The following SPTLC2 variants were observed in gnomAD, a reference collection of about 807,000 sequenced individuals.
SPTLC2 encodes the protein serine palmitoyltransferase long chain base subunit 2, also known as serine palmitoyltransferase 2.
In SPTLC2, 21 loss-of-function variants were observed where a neutral mutation model predicts 62.0. That is an observed-to-expected ratio of 0.34 (90% CI 0.24 to 0.49). The LOEUF (loss-of-function observed/expected upper bound fraction) is 0.49. SPTLC2 is among the 20% of genes least tolerant of loss of function. SPTLC2 has a pLI of 0.99. For missense variants in SPTLC2, 511 were observed against 713.0 expected, an observed-to-expected ratio of 0.72 and a Z score of 3.23; for synonymous variants, 261 against 261.8, an observed-to-expected ratio of 1.00 and a Z score of 0.03.
chr14:77,522,733 A>T (rs990033850), intron 9 of SPTLC2, among the ~76,000 whole-genome samples: 11 of 152,224 alleles, frequency 7.2e-5, no homozygotes, highest in African/African-American at 2.7e-4. Context: ...ACTGTTTTAG[A>T]ATCTTCTCAA....
chr14:77,553,959 C>T (rs1033916815), intron 8 of SPTLC2, among the ~76,000 whole-genome samples: 1 of 151,808 alleles, frequency 6.6e-6, no homozygotes, highest in Non-Finnish European at 1.5e-5. Context: ...GGACTACAGG[C>T]ATGTGCCACC....
chr14:77,607,457 C>G (rs1595019422), intron 1 of SPTLC2, among the ~76,000 whole-genome samples: 1 of 152,120 alleles, frequency 6.6e-6, no homozygotes, highest in South Asian at 2.1e-4. Flanking sequence ...AATACATTTT[C>G]CATTTGCCAT....
chr14:77,578,960 G>T lies in SPTLC2; in HGVS notation c.477C>A (p.Ser159=). 6.2e-7 allele frequency: 1 copy of T among 1,613,994 alleles called. No individual in the cohort carries two copies. Among genetic ancestry groups the T allele is most frequent in the Non-Finnish European group, 8.5e-7 (1 of 1,179,980 alleles). The change falls in exon 3 of 12, where the codon TCC becomes TCA. Residue 159 remains serine, a synonymous_variant. Transcript: ENST00000216484. The part of the protein sequence containing the change: ...MERQSHDYNW[S]FKYTGNIIKG... ...ATTTCCCAACCAAGACTCACTTGAAGGACCAGTTATAATCATGAGACTGTC... is the reference window on the plus strand; with the variant it reads ...ATTTCCCAACCAAGACTCACTTGAATGACCAGTTATAATCATGAGACTGTC...
At chr14:77,589,202 G>A (rs894606337) in intron 2 of SPTLC2, among the ~76,000 whole-genome samples, 5 of 151,860 alleles carry the variant, frequency 3.3e-5, no homozygotes, top group African/African-American at 9.7e-5. Flanking sequence ...GTTAATTAAC[G>A]ACTTTCCTTA....
chr14:77,585,967 C>T (rs958090797), intron 2 of SPTLC2, among the ~76,000 whole-genome samples: 1 of 152,124 alleles, frequency 6.6e-6, no homozygotes, highest in Non-Finnish European at 1.5e-5. Flanking sequence ...AACCTTAATA[C>T]ATTCCTGGTG....
chr14:77,519,229 G>A lies in SPTLC2; in HGVS notation c.1440-1062C>T, dbSNP rs867881697. ...TGATTTTCGTATTTTTAGTAGAGAC[G>A]GGGTTTCACCATGTTGGCCAGGATG... On this transcript the variant is annotated intron_variant, in intron 10 of 11. Coordinates refer to ENST00000216484, the MANE Select transcript of SPTLC2 (RefSeq NM_004863.4). Among the ~76,000 whole-genome samples, 9 of 151,876 alleles carry A rather than the reference G, an allele frequency of 5.9e-5. No individual in the cohort carries two copies. The South Asian group carries it at 8.3e-4, about 14-fold the overall frequency.
At chr14:77,514,158 G>C (rs1262071085) in intron 11 of SPTLC2, among the ~76,000 whole-genome samples, 1 of 152,154 alleles carries the variant, frequency 6.6e-6, no homozygotes, top group Non-Finnish European at 1.5e-5. Context: ...ACTCCAGCCT[G>C]GGTGACTGAG....
At chr14:77,614,051 T>C (rs2079951819) in intron 1 of SPTLC2, among the ~76,000 whole-genome samples, 1 of 152,200 alleles carries the variant, frequency 6.6e-6, no homozygotes, top group Non-Finnish European at 1.5e-5. Context: ...CCTCACAGCA[T>C]TCCAACAGAC....
chr14:77,604,879 A>AAAAAAAAGGT (rs773487004), intron 1 of SPTLC2, among the ~76,000 whole-genome samples: 3,973 of 149,860 alleles, frequency 0.027, 84 homozygotes, highest in South Asian at 0.068. Flanking sequence ...AAAAAAAAAA[A>AAAAAAAAGGT]AAAAAAAGGT....
intron 2 of SPTLC2, among the ~76,000 whole-genome samples, chr14:77,594,553 G>A (rs1334913226): frequency 6.6e-6 from 1 of 152,148 alleles, no homozygotes; most frequent in Non-Finnish European, 1.5e-5. Context: ...TTGAGCACAG[G>A]AGTTTGAGAC....
intron 6 of SPTLC2, among the ~76,000 whole-genome samples, chr14:77,562,152 C>T (rs1000242461): frequency 5.3e-5 from 8 of 152,084 alleles, no homozygotes; most frequent in Non-Finnish European, 1.5e-5. Context: ...ATTTGAGTAA[C>T]GGATCTGTAA....
At chr14:77,615,719 A>G (rs924719986) in intron 1 of SPTLC2, among the ~76,000 whole-genome samples, 42 of 152,336 alleles carry the variant, frequency 2.8e-4, no homozygotes, top group African/African-American at 9.6e-4. Flanking sequence ...CAGCATGGTT[A>G]ATTAGTATAG....
chr14:77,518,177 G>A lies in SPTLC2; in HGVS notation c.1440-10C>T, dbSNP rs756191309. ...CTCCCGTCCAAAGGCGCTGCAAAGG[G>A]GAAAACAAGAACAGAAACCAGGAGG... On this transcript the variant is annotated splice_polypyrimidine_tract_variant and intron_variant, in intron 10 of 11. Coordinates refer to ENST00000216484, the MANE Select transcript of SPTLC2 (RefSeq NM_004863.4). 9.3e-6 allele frequency: 15 copies of A among 1,613,904 alleles called. No homozygotes were observed. Among genetic ancestry groups the A allele is most frequent in the African/African-American group, 4.0e-5 (3 of 74,870 alleles).
At chr14:77,528,377 A>G (rs2079419432) in intron 9 of SPTLC2, among the ~76,000 whole-genome samples, 1 of 152,008 alleles carries the variant, frequency 6.6e-6, no homozygotes, top group Non-Finnish European at 1.5e-5. Flanking sequence ...GATTACAGGC[A>G]TGTGCCACCA....
intron 1 of SPTLC2, among the ~76,000 whole-genome samples, chr14:77,601,717 G>A (rs181783794): frequency 7.7e-4 from 118 of 152,310 alleles, no homozygotes; most frequent in Middle Eastern, 6.8e-3. Context: ...ATTTTAAATC[G>A]GGTAAGCGGC....
At chr14:77,553,867 T>C (rs2079568731) in intron 8 of SPTLC2, among the ~76,000 whole-genome samples, 1 of 152,026 alleles carries the variant, frequency 6.6e-6, no homozygotes, top group Non-Finnish European at 1.5e-5. Flanking sequence ...CAGGCTGCAA[T>C]GCAGTGGTGT....
At chr14:77,594,728 T>G (rs1178614029) in intron 2 of SPTLC2, among the ~76,000 whole-genome samples, 1 of 152,192 alleles carries the variant, frequency 6.6e-6, no homozygotes, top group African/African-American at 2.4e-5. Context: ...GCCTATACTA[T>G]CCCCTCATCC....
chr14:77,596,725 C>T (rs969182988), intron 2 of SPTLC2, among the ~76,000 whole-genome samples: 2 of 152,148 alleles, frequency 1.3e-5, no homozygotes, highest in Non-Finnish European at 2.9e-5. Context: ...GTGTGAATCA[C>T]CCAACTATGT....
At chr14:77,562,619 A>G in intron 5 of SPTLC2, 130 bp from the exon 6 acceptor site, 1 of 701,776 alleles carries the variant, frequency 1.4e-6, no homozygotes, top group South Asian at 1.8e-5. Context: ...ACAGTGATCA[A>G]TTTTAAGAAG....
Sources: allele counts gnomAD v4.1 joint callset (sites outside exome capture counted in the v4.1 genomes callset), GRCh38; gene constraint gnomAD v4.1.1; transcripts MANE v1.5; gene names NCBI Gene and HGNC (gene_info 2026-07-23, HGNC 2026-07-21).